RARB: variants seen among roughly 807,000 people sequenced by gnomAD.
RARB encodes the protein HBV-activated protein.
Under a neutral mutation model 51.9 loss-of-function variants are expected in RARB, and 17 were observed. That is an observed-to-expected ratio of 0.33 (90% confidence interval 0.22 to 0.49). The LOEUF (loss-of-function observed/expected upper bound fraction) is 0.49. RARB is among the 20% of genes least tolerant of loss of function. The pLI is 0.99. For synonymous variants in RARB, 215 were observed against 195.4 expected (o/e 1.10, Z -0.84); for missense variants, 369 against 550.8 (o/e 0.67, Z 3.30).
intron 2 of RARB, among the ~76,000 whole-genome samples, chr3:24,964,642 A>T (rs1696214379): frequency 6.6e-6 from 1 of 152,190 alleles, no homozygotes; most frequent in Non-Finnish European, 1.5e-5. Context: ...TGCCCTGTCC[A>T]TAAGTTGGTA....
chr3:25,504,861 G>A (rs771427586), intron 3 of RARB, among the ~76,000 whole-genome samples: 2 of 148,392 alleles, frequency 1.3e-5, no homozygotes, highest in East Asian at 2.0e-4. Flanking sequence ...GGGTTCAAGC[G>A]ATACTCCTGC....
chr3:25,515,425 C>T (rs1353821988), intron 3 of RARB, among the ~76,000 whole-genome samples: 1 of 152,034 alleles, frequency 6.6e-6, no homozygotes, highest in African/African-American at 2.4e-5. Flanking sequence ...TGGGAACATA[C>T]TCAATAGAAA....
At chr3:25,152,437 CTG>C (rs953541166) in intron 4 of RARB, among the ~76,000 whole-genome samples, 28 of 152,106 alleles carry the variant, frequency 1.8e-4, no homozygotes, top group African/African-American at 6.5e-4. Flanking sequence ...CAAGGAAAAA[CTG>C]TGAGGGGAAA....
At chr3:25,236,464 A>G (rs548775241) in intron 5 of RARB, among the ~76,000 whole-genome samples, 13 of 152,260 alleles carry the variant, frequency 8.5e-5, no homozygotes, top group African/African-American at 3.1e-4. Flanking sequence ...AAATGTCCTG[A>G]ATTTTTGAAA....
intron 5 of RARB, among the ~76,000 whole-genome samples, chr3:25,240,008 C>G (rs906605614): frequency 7.3e-5 from 11 of 150,206 alleles, no homozygotes; most frequent in African/African-American, 2.7e-4. Context: ...CTTTCAATTC[C>G]TTGGTTAAAT....
intron 2 of RARB, among the ~76,000 whole-genome samples, chr3:24,942,108 GTT>G (rs1172861437): frequency 2.6e-5 from 4 of 152,218 alleles, no homozygotes; most frequent in Non-Finnish European, 5.9e-5. Context: ...GTGTAGAAGA[GTT>G]AAGTGACTTG....
chr3:25,098,239 G>A (rs1699337416), intron 3 of RARB, among the ~76,000 whole-genome samples: 1 of 152,108 alleles, frequency 6.6e-6, no homozygotes, highest in South Asian at 2.1e-4. Flanking sequence ...GGAAAGGAGA[G>A]TTGATATTCT....
At chr3:25,526,370 T>A (rs1369319186) in intron 3 of RARB, among the ~76,000 whole-genome samples, 1 of 152,162 alleles carries the variant, frequency 6.6e-6, no homozygotes, top group African/African-American at 2.4e-5. Context: ...CATTGATAAG[T>A]GATAAACATT....
At position 24,837,168 on chromosome 3, in the gene RARB, C is replaced by T. The variant is rs554243684; in HGVS notation, c.-459+7765C>T. The stretch of plus-strand genomic sequence containing the variant: ...TGACTTGAGTTAGCCAAGTAATATC[C>T]AAGGTGGAGAATACTTTACTTGCAG... On this transcript the variant is annotated intron_variant, in intron 1 of 11. Transcript: ENST00000383772. 2.0e-5 allele frequency among the ~76,000 whole-genome samples: 3 copies of T among 152,288 alleles called. No homozygotes were observed. The East Asian group carries it at 5.8e-4, about 29-fold the overall frequency.
chr3:25,131,016 G>A (rs1699943883), intron 3 of RARB, among the ~76,000 whole-genome samples: 1 of 139,522 alleles, frequency 7.2e-6, no homozygotes, highest in East Asian at 2.1e-4. Flanking sequence ...ATTTATCAAT[G>A]AAATTATATA....
intron 5 of RARB, among the ~76,000 whole-genome samples, chr3:25,230,088 C>T (rs1702141783): frequency 6.6e-6 from 1 of 152,016 alleles, no homozygotes; most frequent in South Asian, 2.1e-4. Context: ...AAGTTTTAGC[C>T]TAGGAAGTTC....
At chr3:24,902,335 G>A (rs7621935) in intron 2 of RARB, among the ~76,000 whole-genome samples, 9,173 of 152,172 alleles carry the variant, frequency 0.06, 421 homozygotes, top group East Asian at 0.15. Context: ...CAACCAATGA[G>A]GTAGAATTTA....
chr3:24,878,896 T>G (rs908541571), intron 2 of RARB, among the ~76,000 whole-genome samples: 1 of 152,234 alleles, frequency 6.6e-6, no homozygotes, highest in Non-Finnish European at 1.5e-5. Flanking sequence ...ATATTTTATT[T>G]CATTTTTATT....
At chr3:25,251,770 C>T (rs1364224250) in intron 5 of RARB, among the ~76,000 whole-genome samples, 4 of 151,756 alleles carry the variant, frequency 2.6e-5, no homozygotes, top group Admixed American at 2.6e-4. Context: ...GACCTTTTAT[C>T]AGACGTATGA....
At chr3:25,451,393 A>T (rs974288478) in intron 1 of RARB, among the ~76,000 whole-genome samples, 2 of 152,096 alleles carry the variant, frequency 1.3e-5, no homozygotes, top group African/African-American at 4.8e-5. Flanking sequence ...CTTTCCCGTC[A>T]CCTCCTCCAC....
chr3:25,048,467 G>A (rs369338830), intron 2 of RARB, among the ~76,000 whole-genome samples: 2 of 152,132 alleles, frequency 1.3e-5, no homozygotes, highest in African/African-American at 4.8e-5. Context: ...TTTTGAAGGA[G>A]TATATTATTC....
intron 5 of RARB, among the ~76,000 whole-genome samples, chr3:25,341,017 G>A (rs1044909232): frequency 5.3e-5 from 8 of 152,202 alleles, no homozygotes; most frequent in East Asian, 3.9e-4. Flanking sequence ...CTAAATAGGC[G>A]TTGTCTTTGC....
At chr3:24,884,561 T>A (rs527400635) in intron 2 of RARB, among the ~76,000 whole-genome samples, 1 of 152,306 alleles carries the variant, frequency 6.6e-6, no homozygotes, top group South Asian at 2.1e-4. Context: ...TTTGGCTGGA[T>A]TTTTAAAAAT....
intron 5 of RARB, among the ~76,000 whole-genome samples, chr3:25,393,222 C>T (rs1046667500): frequency 1.3e-5 from 2 of 152,102 alleles, no homozygotes; most frequent in African/African-American, 4.8e-5. Context: ...GCCATCCCTA[C>T]ATCCTTAGTA....
Sources: gnomAD v4.1 joint callset for allele counts (sites outside exome capture counted in the v4.1 genomes callset) on GRCh38, gnomAD v4.1.1 for gene constraint, MANE v1.5 for transcripts, NCBI Gene and HGNC (gene_info 2026-07-23, HGNC 2026-07-21) for gene names.